Variants in WWOX observed in about 807,000 individuals in gnomAD.
The protein encoded by WWOX is WW domain containing oxidoreductase.
Under a neutral mutation model 46.2 loss-of-function variants are expected in WWOX, and 69 were observed. The observed-to-expected ratio is 1.49, with a 90% confidence interval of 1.23 to 1.82. WWOX has a LOEUF of 1.82. WWOX is among the 40% of genes most tolerant of loss of function. The pLI is 0.00. For missense variants in WWOX, 919 were observed against 542.6 expected, an observed-to-expected ratio of 1.69 and a Z score of -6.89; for synonymous variants, 359 against 202.6, an observed-to-expected ratio of 1.77 and a Z score of -6.56.
intron 5 of WWOX, among the ~76,000 whole-genome samples, chr16:78,371,097 G>C (rs1402720156): frequency 1.3e-5 from 2 of 150,546 alleles, no homozygotes; most frequent in African/African-American, 4.9e-5. Context: ...CGTTATTAGA[G>C]TGTGTAACAT....
Position 78,831,154 on chromosome 16 carries a change from C to G in WWOX, c.1057-380454C>G, listed in dbSNP as rs147069700. On this transcript the variant is annotated intron_variant, in intron 8 of 8. Transcript: ENST00000566780. Reference sequence around the variant, plus strand: ...GAGGGGCTTGCAGAGCTGAGAACCACTCAGAATTTGGGGGCTGAAGACCCT... The same window carrying G: ...GAGGGGCTTGCAGAGCTGAGAACCAGTCAGAATTTGGGGGCTGAAGACCCT... 1.1e-4 allele frequency among the ~76,000 whole-genome samples: 16 copies of G among 152,302 alleles called. No homozygotes were observed. The East Asian group carries it at 3.1e-3, about 30-fold the overall frequency.
chr16:78,220,427 A>G (rs961309367), intron 5 of WWOX, among the ~76,000 whole-genome samples: 2 of 152,122 alleles, frequency 1.3e-5, no homozygotes, highest in Non-Finnish European at 2.9e-5. Context: ...ATTTTGGGTC[A>G]TAGCTGTTTT....
intron 8 of WWOX, among the ~76,000 whole-genome samples, chr16:78,502,393 T>C (rs910050062): frequency 2.6e-5 from 4 of 152,212 alleles, no homozygotes; most frequent in African/African-American, 9.6e-5. Context: ...GCTGTTTCTA[T>C]GGATTTACCT....
rs934810718 is a variant in WWOX, at chr16:79,212,254, T to C, written c.*458T>C. 1 of 1,321,186 alleles carries C rather than the reference T, an allele frequency of 7.6e-7. No homozygotes were observed. Among genetic ancestry groups the C allele is most frequent in the South Asian group, 1.6e-5 (1 of 63,410 alleles). The allele number at this position is 1,321,186 out of a possible 1,614,324, so 81.8% of individuals were successfully genotyped here. On this transcript the variant is annotated 3_prime_UTR_variant, in exon 9 of 9. Coordinates refer to ENST00000566780, the MANE Select transcript of WWOX (RefSeq NM_016373.4). ...CTCCTTGCTGCATTGATCCAGGAGA[T>C]AATTGTTTCATTCATCCTGACCAAG...
In WWOX at chr16:78,315,424, G is replaced by A. The variant is rs537774462; in HGVS notation, c.517-71436G>A. Among the ~76,000 whole-genome samples the A allele has an allele frequency of 1.4e-4, 21 of 152,248 alleles. No homozygotes were observed. In the South Asian group the frequency reaches 2.1e-3, roughly 15 times the overall value. ...AGCACTTGGGGAGGCCAAGGCCGGC[G>A]GATCACTTGAGGTTAGGAGTTCGAG... On this transcript the variant is annotated intron_variant, in intron 5 of 8. Coordinates refer to ENST00000566780, the MANE Select transcript of WWOX (RefSeq NM_016373.4).
chr16:78,907,244 C>T lies in WWOX; in HGVS notation c.1057-304364C>T, dbSNP rs1181707802. Among the ~76,000 whole-genome samples, 3 of 151,946 alleles carry T rather than the reference C, an allele frequency of 2.0e-5. No individual in the cohort carries two copies. The East Asian group carries it at 5.8e-4, about 29-fold the overall frequency. ...ATCCGCTTCTGGGTGGGGGGCAGGGCACAGGACCAGTTGAATGGGGATGGG... is the reference window on the plus strand; with the variant it reads ...ATCCGCTTCTGGGTGGGGGGCAGGGTACAGGACCAGTTGAATGGGGATGGG... On this transcript the variant is annotated intron_variant, in intron 8 of 8. Transcript: ENST00000566780.
At chr16:78,777,598 A>T (rs1269159975) in intron 8 of WWOX, among the ~76,000 whole-genome samples, 5 of 152,160 alleles carry the variant, frequency 3.3e-5, no homozygotes, top group Non-Finnish European at 4.4e-5. Flanking sequence ...ACACAGAGAC[A>T]TGTACAGGGT....
At chr16:78,581,657 A>G (rs574232150) in intron 8 of WWOX, among the ~76,000 whole-genome samples, 4 of 152,314 alleles carry the variant, frequency 2.6e-5, no homozygotes, top group African/African-American at 9.6e-5. Flanking sequence ...ATTGGGAATA[A>G]ATGCTACCCA....
At chr16:78,322,010 G>A (rs1011572916) in intron 5 of WWOX, among the ~76,000 whole-genome samples, 4 of 152,226 alleles carry the variant, frequency 2.6e-5, no homozygotes, top group African/African-American at 9.6e-5. Flanking sequence ...ATCAGTGCAT[G>A]AGAACAGCAG....
At chr16:78,362,328 G>T (rs60756137) in intron 5 of WWOX, among the ~76,000 whole-genome samples, 15,997 of 152,194 alleles carry the variant, frequency 0.11, 1,247 homozygotes, top group East Asian at 0.3. Context: ...AAAAAAACAG[G>T]ACAGGCATTA....
chr16:79,148,111 A>G (rs370499075), intron 8 of WWOX, among the ~76,000 whole-genome samples: 4 of 152,310 alleles, frequency 2.6e-5, no homozygotes, highest in East Asian at 3.9e-4. Context: ...TCCTTTCATC[A>G]ACTGAGCTTT....
chr16:78,423,625 C>A (rs940753002), intron 6 of WWOX, among the ~76,000 whole-genome samples: 1 of 152,010 alleles, frequency 6.6e-6, no homozygotes, highest in East Asian at 1.9e-4. Context: ...ACCAGGAACT[C>A]AAGACCACCT....
intron 8 of WWOX, among the ~76,000 whole-genome samples, chr16:78,938,510 G>A (rs539045847): frequency 6.8e-6 from 1 of 148,066 alleles, no homozygotes; most frequent in East Asian, 2.0e-4. Flanking sequence ...CGGTGGGCCT[G>A]TTTGAGTTGA....
In WWOX at chr16:79,190,018, GCC is replaced by G. The variant is rs1567607394; in HGVS notation, c.1057-21589_1057-21588del. ...CTTCCCATGGAAATGTTTTCATAAC[GCC>G]TTGTTTTTTAATTATTATTATTATT... On this transcript the variant is annotated intron_variant, in intron 8 of 8. Coordinates refer to ENST00000566780, the MANE Select transcript of WWOX (RefSeq NM_016373.4). Among the ~76,000 whole-genome samples, 1,184 of 151,928 alleles carry G rather than the reference GCC, an allele frequency of 7.8e-3. 21 individuals are homozygous for G. Among genetic ancestry groups the G allele is most frequent in the African/African-American group, 0.027 (1,122 of 41,446 alleles).
At chr16:78,418,801 A>G (rs58935141) in intron 6 of WWOX, among the ~76,000 whole-genome samples, 2,256 of 152,292 alleles carry the variant, frequency 0.015, 48 homozygotes, top group East Asian at 0.063. Flanking sequence ...TCTCAACTCA[A>G]TAAAGGGCAT....
chr16:78,879,058 G>C (rs924242563), intron 8 of WWOX, among the ~76,000 whole-genome samples: 1 of 152,034 alleles, frequency 6.6e-6, no homozygotes, highest in Non-Finnish European at 1.5e-5. Flanking sequence ...GGAAGGAAGG[G>C]AGGAAAGGAG....
chr16:78,690,017 T>C (rs2047949568), intron 8 of WWOX, among the ~76,000 whole-genome samples: 1 of 151,978 alleles, frequency 6.6e-6, no homozygotes, highest in African/African-American at 2.4e-5. Flanking sequence ...CCCGCCCCCA[T>C]GCCCAGCCAA....
chr16:78,556,422 C>T (rs2044298317), intron 8 of WWOX, among the ~76,000 whole-genome samples: 1 of 152,142 alleles, frequency 6.6e-6, no homozygotes, highest in South Asian at 2.1e-4. Flanking sequence ...GGTCTCAGAG[C>T]ACGGGGAACG....
chr16:78,162,367 G>T (rs970928274), intron 4 of WWOX, among the ~76,000 whole-genome samples: 1 of 151,936 alleles, frequency 6.6e-6, no homozygotes, highest in Non-Finnish European at 1.5e-5. Flanking sequence ...ACTCTGATGT[G>T]CCTTGCTTTG....
Sources: gnomAD v4.1 joint callset for allele counts (sites outside exome capture counted in the v4.1 genomes callset) on GRCh38, gnomAD v4.1.1 for gene constraint, MANE v1.5 for transcripts, NCBI Gene and HGNC (gene_info 2026-07-23, HGNC 2026-07-21) for gene names.